Variants in MON2 observed in about 807,000 individuals in gnomAD.
The protein encoded by MON2 is MON2 regulator of endosome-to-Golgi trafficking, also known as protein MON2 homolog.
Under a neutral mutation model 208.6 loss-of-function variants are expected in MON2, and 84 were observed. The observed-to-expected ratio is 0.40, with a 90% confidence interval of 0.34 to 0.48. The LOEUF (loss-of-function observed/expected upper bound fraction) is 0.48. MON2 is among the 20% of genes least tolerant of loss of function. MON2 has a pLI of 0.59. For synonymous variants in MON2, 660 were observed against 694.0 expected, an observed-to-expected ratio of 0.95 and a Z score of 0.77; for missense variants, 1,611 against 2,015.4, an observed-to-expected ratio of 0.80 and a Z score of 3.84.
rs1357235264 is a variant in MON2, at chr12:62,596,725, C to CT, written c.*3978dup. On this transcript the variant is annotated 3_prime_UTR_variant, in exon 35 of 35. Transcript: ENST00000393630. ...AAAAGTCTTTAATACTTCATGATCACTTGAATTAAAGTTTTTGTATCTCTG... is the reference window on the plus strand; with the variant it reads ...AAAAGTCTTTAATACTTCATGATCACTTTGAATTAAAGTTTTTGTATCTCTG... 6.6e-6 allele frequency: 1 copy of CT among 152,138 alleles called. No homozygotes were observed. Among genetic ancestry groups the CT allele is most frequent in the Non-Finnish European group, 1.5e-5 (1 of 68,024 alleles). 9.4% of individuals were successfully genotyped at this position (152,138 alleles called of 1,614,324 possible).
chr12:62,532,415 T>C lies in MON2; in HGVS notation c.1401-23T>C, dbSNP rs771763904. 11 of 1,515,872 alleles carry C rather than the reference T, an allele frequency of 7.3e-6. No homozygotes were observed. The African/African-American group carries it at 1.5e-4, about 21-fold the overall frequency. 93.9% of individuals were successfully genotyped at this position (1,515,872 alleles called of 1,614,324 possible). ...TTTTTGTTGTGGCTTCTCATTAGTA[T>C]TCTATATTTTTCATAATTTCAGCTT... On this transcript the variant is annotated intron_variant, in intron 11 of 34. Coordinates refer to ENST00000393630, the MANE Select transcript of MON2 (RefSeq NM_015026.3).
In MON2 at chr12:62,594,301, A is replaced by T. The variant is rs1190237267; in HGVS notation, c.*1552A>T. On this transcript the variant is annotated 3_prime_UTR_variant, in exon 35 of 35. Transcript: ENST00000393630. ...ATGATTGAGATACAGTTTTGAGGCT[A>T]TTATAATTGTATAATTATTTAATTT... 1 of 152,210 alleles carries T rather than the reference A, an allele frequency of 6.6e-6. No individual in the cohort carries two copies. Among genetic ancestry groups the T allele is most frequent in the Non-Finnish European group, 1.5e-5 (1 of 68,004 alleles). 9.4% of individuals were successfully genotyped at this position (152,210 alleles called of 1,614,324 possible).
At chr12:62,565,594 C>T (rs942663782) in intron 27 of MON2, among the ~76,000 whole-genome samples, 1 of 152,168 alleles carries the variant, frequency 6.6e-6, no homozygotes, top group African/African-American at 2.4e-5. Flanking sequence ...CTTTCCTCTT[C>T]CAACTGATTC....
At chr12:62,470,715 T>C (rs1279546677) in intron 1 of MON2, 4 of 1,172,706 alleles carry the variant, frequency 3.4e-6, no homozygotes, top group Admixed American at 3.9e-5. Context: ...AGATGAGGGG[T>C]ATCTAACTGA....
intron 5 of MON2, among the ~76,000 whole-genome samples, chr12:62,500,440 T>G (rs2136078645): frequency 6.6e-6 from 1 of 152,284 alleles, no homozygotes; most frequent in South Asian, 2.1e-4. Flanking sequence ...TATGTTTGTT[T>G]GATATTTAAA....
chr12:62,484,258 A>T (rs1487347918), intron 2 of MON2, 25 bp downstream of exon 2: 32 of 1,469,800 alleles, frequency 2.2e-5, no homozygotes, highest in Non-Finnish European at 2.8e-5. Flanking sequence ...TAAAAATTTA[A>T]TAATAAACAA....
chr12:62,544,958 A>T lies in MON2; in HGVS notation c.2527A>T (p.Ile843Phe), dbSNP rs2073415831. 3.7e-6 allele frequency: 6 copies of T among 1,608,326 alleles called. No individual in the cohort carries two copies. The South Asian group carries it at 6.7e-5, about 18-fold the overall frequency. ...GGGAGCAGAAGCTTTAACTTCTCTT[A>T]TTAAAGCAGGATTAACATTTAACCA... is the stretch of plus-strand genomic sequence containing the variant. ...EWGAEALTSL[I>F]KAGLTFNHDP... The change falls in exon 21 of 35, where the codon ATT (isoleucine) becomes TTT (phenylalanine). Residue 843 changes from isoleucine (I) to phenylalanine (F), a missense_variant. Physicochemically the swap from Ile to Phe is conservative, Grantham distance 21 (BLOSUM62 0). Transcript: ENST00000393630.
At chr12:62,551,671 A>G (rs1014253496) in intron 23 of MON2, among the ~76,000 whole-genome samples, 5 of 152,226 alleles carry the variant, frequency 3.3e-5, no homozygotes, top group Admixed American at 1.3e-4. Context: ...AAAAATTACA[A>G]TTATCTGTGA....
intron 8 of MON2, among the ~76,000 whole-genome samples, chr12:62,510,849 CATT>C (rs1249581347): frequency 6.6e-6 from 1 of 152,152 alleles, no homozygotes; most frequent in Non-Finnish European, 1.5e-5. Flanking sequence ...GAAGAAGTAA[CATT>C]ATCTCTGTTT....
At chr12:62,492,291 A>G (rs1592855133) in intron 2 of MON2, among the ~76,000 whole-genome samples, 1 of 152,102 alleles carries the variant, frequency 6.6e-6, no homozygotes, top group Non-Finnish European at 1.5e-5. Flanking sequence ...CTTTTGAGAA[A>G]CATTTTAAAA....
rs1433163871 is a variant in MON2, at chr12:62,585,322, G to A, written c.4728G>A (p.Glu1576=). ...CAGAGATTGATATTCGTTTGAGAGA[G>A]GAATTTTCTAAAATGTGTTTTGAAA... is the stretch of plus-strand genomic sequence containing the variant. ...TEAEIDIRLR[E]EFSKMCFETL... The change falls in exon 33 of 35, where the codon GAG becomes GAA. Residue 1576 remains glutamate (E), a synonymous_variant. Transcript: ENST00000393630. The A allele has an allele frequency of 6.2e-7, 1 of 1,613,314 alleles. No homozygotes were observed. Among genetic ancestry groups the A allele is most frequent in the African/African-American group, 1.3e-5 (1 of 74,912 alleles).
At chr12:62,577,332 C>CCTGTTCA (rs1461955502) in intron 30 of MON2, among the ~76,000 whole-genome samples, 2 of 151,986 alleles carry the variant, frequency 1.3e-5, no homozygotes, top group African/African-American at 4.8e-5. Flanking sequence ...CTGAGTCTGT[C>CCTGTTCA]CTGTTCACAG....
intron 11 of MON2, among the ~76,000 whole-genome samples, chr12:62,531,908 T>C (rs1365274723): frequency 6.6e-6 from 1 of 152,148 alleles, no homozygotes; most frequent in Non-Finnish European, 1.5e-5. Context: ...TAGCTGAGAC[T>C]ACAGGCACCT....
At chr12:62,536,081 C>T (rs779757621) in intron 14 of MON2, among the ~76,000 whole-genome samples, 6 of 151,974 alleles carry the variant, frequency 3.9e-5, no homozygotes, top group Non-Finnish European at 7.4e-5. Flanking sequence ...AATCTGAAAT[C>T]GGAAACAGTT....
intron 7 of MON2, among the ~76,000 whole-genome samples, chr12:62,507,679 TG>T (rs954849138): frequency 4.6e-5 from 7 of 152,162 alleles, no homozygotes; most frequent in Non-Finnish European, 8.8e-5. Flanking sequence ...TTGAAGTTTC[TG>T]TTAATCACCA....
At chr12:62,572,002 A>T (rs2074611767) in intron 30 of MON2, among the ~76,000 whole-genome samples, 1 of 152,220 alleles carries the variant, frequency 6.6e-6, no homozygotes, top group African/African-American at 2.4e-5. Flanking sequence ...TCAAAGATTA[A>T]CAATTTTCAT....
intron 2 of MON2, among the ~76,000 whole-genome samples, chr12:62,485,387 C>G (rs144240918): frequency 1.0e-3 from 157 of 152,270 alleles, no homozygotes; most frequent in African/African-American, 3.7e-3. Context: ...GGTGGGATTT[C>G]AGAGTGTTAT....
chr12:62,591,554 A>C (rs561783258), intron 34 of MON2, among the ~76,000 whole-genome samples: 1 of 152,376 alleles, frequency 6.6e-6, no homozygotes, highest in East Asian at 1.9e-4. Flanking sequence ...ATGAAGAATT[A>C]GTCTCCAAAA....
At chr12:62,537,470 A>C in intron 15 of MON2, 132 bp from the exon 16 acceptor site, 1 of 742,440 alleles carries the variant, frequency 1.3e-6, no homozygotes, top group Non-Finnish European at 2.1e-6. Flanking sequence ...ATTGTTCCTT[A>C]TAAAACCTTC....
Sources: gnomAD v4.1 joint callset for allele counts (sites outside exome capture counted in the v4.1 genomes callset) on GRCh38, gnomAD v4.1.1 for gene constraint, MANE v1.5 for transcripts, NCBI Gene and HGNC (gene_info 2026-07-23, HGNC 2026-07-21) for gene names.